Variants in BID observed in about 807,000 individuals in gnomAD.
BID encodes the protein BH3-interacting domain death agonist.
A neutral mutation model predicts 17.4 loss-of-function variants in BID; 19 were observed. The observed-to-expected ratio is 1.09, with a 90% CI of 0.76 to 1.60. The LOEUF (loss-of-function observed/expected upper bound fraction) is 1.60, where lower values mean the gene tolerates loss of function less well. Among genes scored for constraint, BID ranks in the 40% most tolerant of loss-of-function variants. BID has a pLI of 0.00. For synonymous variants in BID, 108 were observed against 102.8 expected, an observed-to-expected ratio of 1.05 and a Z score of -0.31; for missense variants, 226 against 256.0, an observed-to-expected ratio of 0.88 and a Z score of 0.80.
chr22:17,742,253 G>C (rs1013458062), intron 3 of BID, among the ~76,000 whole-genome samples: 2 of 149,716 alleles, frequency 1.3e-5, no homozygotes, highest in Non-Finnish European at 3.0e-5. Context: ...CGGTTTCTCA[G>C]TCTAGAGGCA....
At chr22:17,744,728 G>T (rs1028085670) in intron 2 of BID, among the ~76,000 whole-genome samples, 10 of 152,162 alleles carry the variant, frequency 6.6e-5, no homozygotes, top group African/African-American at 2.4e-4. Flanking sequence ...CATCTGTGCC[G>T]CCAGAGATGG....
intron 1 of BID, among the ~76,000 whole-genome samples, chr22:17,751,015 G>C (rs930984728): frequency 1.3e-5 from 2 of 151,764 alleles, no homozygotes; most frequent in African/African-American, 2.4e-5. Context: ...CAGCCTGGGC[G>C]AGAGTGAAAC....
In BID at chr22:17,770,380, C is replaced by T. The variant is rs529929788; in HGVS notation, c.-59+4001G>A. Among the ~76,000 whole-genome samples the T allele has an allele frequency of 2.4e-4, 37 of 152,300 alleles. 2 individuals carry two copies. In the South Asian group the frequency reaches 7.7e-3, roughly 32 times the overall value. Reference sequence around the variant, plus strand: ...ATCAGAAAAAGCACCTGACATGTGACATCCACTTACAAAGGGTTTTCCCTT... The same window carrying T: ...ATCAGAAAAAGCACCTGACATGTGATATCCACTTACAAAGGGTTTTCCCTT... On this transcript the variant is annotated intron_variant, in intron 1 of 5. Coordinates refer to ENST00000622694, the MANE Select transcript of BID (RefSeq NM_001196.4).
At chr22:17,751,519 T>C (rs2061539932) in intron 1 of BID, among the ~76,000 whole-genome samples, 2 of 152,122 alleles carry the variant, frequency 1.3e-5, no homozygotes, top group South Asian at 4.2e-4. Context: ...CCAAATGAAA[T>C]GGCCATTTTG....
At chr22:17,760,451 C>CAAA (rs55817445) in intron 1 of BID, among the ~76,000 whole-genome samples, 3 of 30,754 alleles carry the variant, frequency 9.8e-5, no homozygotes, top group Non-Finnish European at 2.6e-4. Flanking sequence ...GACTCTGTCT[C>CAAA]AAAAAAAAAA....
intron 1 of BID, among the ~76,000 whole-genome samples, chr22:17,756,854 G>A (rs932829001): frequency 3.9e-5 from 6 of 152,098 alleles, no homozygotes; most frequent in East Asian, 1.9e-4. Context: ...GATTACAGGC[G>A]TGAGCCACTA....
chr22:17,765,138 T>TCAAGACATCCTCCACAGAGGACC (rs535850066), intron 1 of BID, among the ~76,000 whole-genome samples: 4 of 151,564 alleles, frequency 2.6e-5, no homozygotes, highest in African/African-American at 4.8e-5. Flanking sequence ...TGTGTCCGGC[T>TCAAGACATCCTCCACAGAGGACC]CAAGACATCC....
chr22:17,750,171 C>A lies in BID; in HGVS notation c.-55G>T. On this transcript the variant is annotated 5_prime_UTR_variant, in exon 2 of 6. Transcript: ENST00000622694. Reference sequence around the variant, plus strand: ...CTCCTGGTTCACAGTGTCCCAGTGGCGACCTGGAAAGGGACACACAGAGTG... The same window carrying A: ...CTCCTGGTTCACAGTGTCCCAGTGGAGACCTGGAAAGGGACACACAGAGTG... The A allele has an allele frequency of 1.2e-6, 2 of 1,612,384 alleles. No individual in the cohort carries two copies. Among genetic ancestry groups the A allele is most frequent in the Admixed American group, 1.7e-5 (1 of 59,918 alleles).
intron 1 of BID, among the ~76,000 whole-genome samples, chr22:17,767,069 C>G (rs1006357641): frequency 6.6e-6 from 1 of 151,408 alleles, no homozygotes; most frequent in Non-Finnish European, 1.5e-5. Flanking sequence ...ACTAAAAATA[C>G]AAAAATTAGC....
chr22:17,750,074 C>A (rs374015487), intron 2 of BID, 31 bp downstream of exon 2: 1 of 1,608,864 alleles, frequency 6.2e-7, no homozygotes, highest in African/African-American at 1.3e-5. Flanking sequence ...CCGCCCCCCA[C>A]AAGGCACCCG....
At chr22:17,757,601 C>A (rs183510829) in intron 1 of BID, among the ~76,000 whole-genome samples, 368 of 148,720 alleles carry the variant, frequency 2.5e-3, no homozygotes, top group African/African-American at 8.8e-3. Context: ...CCCAGCTACT[C>A]GGGAGGCTGA....
intron 2 of BID, 40 bp downstream of exon 2, chr22:17,750,065 C>T (rs1465559977): frequency 1.3e-6 from 2 of 1,598,494 alleles, no homozygotes; most frequent in Non-Finnish European, 1.7e-6. Flanking sequence ...CCCTCGACCC[C>T]GCCCCCCACA....
chr22:17,744,884 A>C (rs948790360), intron 2 of BID, among the ~76,000 whole-genome samples: 4 of 152,232 alleles, frequency 2.6e-5, no homozygotes, highest in African/African-American at 9.6e-5. Flanking sequence ...GGACGCTGAG[A>C]TCTGCGCAGA....
intron 1 of BID, among the ~76,000 whole-genome samples, chr22:17,766,868 G>A (rs923168730): frequency 1.2e-4 from 18 of 151,964 alleles, no homozygotes; most frequent in Non-Finnish European, 2.1e-4. Flanking sequence ...GGGATTACAG[G>A]CCTGAGCCAC....
intron 5 of BID, among the ~76,000 whole-genome samples, chr22:17,737,757 G>T (rs1213909219): frequency 6.6e-6 from 1 of 152,252 alleles, no homozygotes; most frequent in Non-Finnish European, 1.5e-5. Flanking sequence ...CCCACCAGGA[G>T]TGTGACGTGA....
At chr22:17,756,404 TTTTTTCTCTTTCTTTCTTTC>T (rs2061583862) in intron 1 of BID, among the ~76,000 whole-genome samples, 1 of 99,390 alleles carries the variant, frequency 1.0e-5, no homozygotes, top group African/African-American at 5.1e-5. Context: ...CTTTCTTTTC[TTTTTTCTCTTTCTTTCTTTC>T]TTTCTTTCTT....
chr22:17,740,193 T>A, intron 3 of BID: 1 of 1,607,882 alleles, frequency 6.2e-7, no homozygotes, highest in Non-Finnish European at 8.5e-7. Flanking sequence ...GAAGGTAAGC[T>A]CCCTAAGGGC....
chr22:17,755,082 C>CTTTTTTTTT (rs59654004), intron 1 of BID, among the ~76,000 whole-genome samples: 1 of 99,254 alleles, frequency 1.0e-5, no homozygotes. Context: ...TTTTTCTTTT[C>CTTTTTTTTT]TTTTTTTTTT....
rs1380861923 is a variant in BID at position 17,734,180 on chromosome 22, A to G, written c.*1400T>C. 1 of 152,234 alleles carries G rather than the reference A, an allele frequency of 6.6e-6. No homozygotes were observed. Among genetic ancestry groups the G allele is most frequent in the Non-Finnish European group, 1.5e-5 (1 of 68,048 alleles). 9.4% of individuals were successfully genotyped at this position (152,234 alleles called of 1,614,324 possible). A position where few individuals can be genotyped will look rare whatever the true frequency, so the allele number is the denominator to read the frequency against. ...TTTATTTCCAAACAGTGGCCTCCAC[A>G]CTGCGCGGCAGCACTTCTTTTTAGT... On this transcript the variant is annotated 3_prime_UTR_variant, in exon 6 of 6. Transcript: ENST00000622694.
Sources: allele counts gnomAD v4.1 joint callset (sites outside exome capture counted in the v4.1 genomes callset), GRCh38; gene constraint gnomAD v4.1.1; transcripts MANE v1.5; gene names NCBI Gene and HGNC (gene_info 2026-07-23, HGNC 2026-07-21).